CD109: variants seen among roughly 807,000 people sequenced by gnomAD.
CD109 encodes the protein CD109 molecule, also known as CD109 antigen.
Under a neutral mutation model 165.8 loss-of-function variants are expected in CD109, and 149 were observed. The ratio of observed to expected loss-of-function variants is 0.90; its 90% CI spans 0.79 to 1.03. The LOEUF (loss-of-function observed/expected upper bound fraction) is 1.03. Among genes scored for constraint, CD109 ranks in the 50% least tolerant of loss-of-function variants. The probability of loss-of-function intolerance (pLI) is 0.00; values close to 1 mark genes in which losing one functional copy is unlikely to be tolerated. For missense variants in CD109, 1,712 were observed against 1,677.8 expected, an observed-to-expected ratio of 1.02 and a Z score of -0.36; for synonymous variants, 585 against 592.1, an observed-to-expected ratio of 0.99 and a Z score of 0.18.
At chr6:73,773,715 C>T (rs1464493654) in intron 15 of CD109, among the ~76,000 whole-genome samples, 3 of 152,062 alleles carry the variant, frequency 2.0e-5, no homozygotes, top group Non-Finnish European at 4.4e-5. Flanking sequence ...CTACCCTGGC[C>T]AGATCATTTT....
chr6:73,767,960 A>C (rs1481438373), intron 13 of CD109, 95 bp from the exon 14 acceptor site: 1 of 1,015,736 alleles, frequency 9.8e-7, no homozygotes, highest in Non-Finnish European at 1.5e-6. Context: ...TAATTCAAGA[A>C]TTTGTGTGTA....
At chr6:73,688,761 GTTTTT>G in the CD109 span, among the ~76,000 whole-genome samples, 50 of 73,526 alleles carry the variant, frequency 6.8e-4, no homozygotes, top group African/African-American at 1.9e-3. Flanking sequence ...GTTTTTCTTT[GTTTTT>G]TTTTTTTTTT....
chr6:73,767,944 C>T (rs1773907884), intron 13 of CD109, 111 bp from the exon 14 acceptor site: 1 of 875,362 alleles, frequency 1.1e-6, no homozygotes, highest in Non-Finnish European at 1.8e-6. Flanking sequence ...GACTTTGAAG[C>T]TGGTTTAATT....
intron 17 of CD109, 128 bp downstream of exon 17, chr6:73,781,447 A>G: frequency 1.3e-6 from 1 of 763,084 alleles, no homozygotes; most frequent in Admixed American, 2.5e-5. Flanking sequence ...CTCTTCTCCC[A>G]AAATGTTTGG....
chr6:73,766,205 G>A (rs2150229248), intron 11 of CD109, 51 bp downstream of exon 11: 1 of 1,430,884 alleles, frequency 7.0e-7, no homozygotes, highest in East Asian at 2.3e-5. Flanking sequence ...CATTACAGTT[G>A]TAATCTTGTG....
chr6:73,759,148 A>G, intron 7 of CD109, 120 bp downstream of exon 7: 1 of 642,956 alleles, frequency 1.6e-6, no homozygotes, highest in South Asian at 1.9e-5. Flanking sequence ...CTTAGTGGAC[A>G]GTAAATGACT....
chr6:73,706,001 G>C (rs1394071308), intron 2 of CD109, among the ~76,000 whole-genome samples: 2 of 152,116 alleles, frequency 1.3e-5, no homozygotes, highest in African/African-American at 4.8e-5. Context: ...GATAATTCCT[G>C]GGTTAGAAGT....
In CD109 at chr6:73,748,198, G is replaced by C. The variant is rs942176494; in HGVS notation, c.634-8445G>C. On this transcript the variant is annotated intron_variant, in intron 5 of 32. Transcript: ENST00000287097. ...CCTTTGTCCAAGCCACTATTATATT[G>C]TTCCTAGATATTACAGTGTCTCTTA... Among the ~76,000 whole-genome samples, 9 of 151,942 alleles carry C rather than the reference G, an allele frequency of 5.9e-5. No individual in the cohort carries two copies. In the East Asian group the frequency reaches 1.7e-3, roughly 29 times the overall value.
the CD109 span, among the ~76,000 whole-genome samples, chr6:73,689,752 T>G: frequency 6.6e-5 from 10 of 152,226 alleles, no homozygotes; most frequent in African/African-American, 2.2e-4. Context: ...TACATTGTTT[T>G]GTAAACATTG....
chr6:73,810,916 C>A, intron 27 of CD109, 76 bp from the exon 28 acceptor site: 1 of 1,428,296 alleles, frequency 7.0e-7, no homozygotes, highest in Non-Finnish European at 9.5e-7. Flanking sequence ...TATCCAGCAA[C>A]AAAATACTAC....
chr6:73,818,252 C>T, intron 30 of CD109, 136 bp from the exon 31 acceptor site: 2 of 831,914 alleles, frequency 2.4e-6, no homozygotes, highest in Non-Finnish European at 3.8e-6. Flanking sequence ...TTAAAATTCT[C>T]TATAGGGAAT....
upstream of CD109, among the ~76,000 whole-genome samples, chr6:73,693,449 T>G (rs1471594942): frequency 3.3e-5 from 5 of 152,236 alleles, no homozygotes; most frequent in African/African-American, 1.2e-4. Flanking sequence ...TCTCACATTG[T>G]GCTCTACCTC....
intron 2 of CD109, among the ~76,000 whole-genome samples, chr6:73,712,613 G>C (rs962942348): frequency 6.6e-6 from 1 of 152,178 alleles, no homozygotes; most frequent in Non-Finnish European, 1.5e-5. Flanking sequence ...TACAGAGTAT[G>C]TTTAAAAAGT....
intron 32 of CD109, among the ~76,000 whole-genome samples, chr6:73,820,958 A>G (rs1776087047): frequency 6.6e-6 from 1 of 152,124 alleles, no homozygotes; most frequent in South Asian, 2.1e-4. Flanking sequence ...TGGCACATAT[A>G]CACCATGGAA....
chr6:73,705,057 A>G (rs1422328790), intron 2 of CD109, among the ~76,000 whole-genome samples: 1 of 152,162 alleles, frequency 6.6e-6, no homozygotes, highest in Non-Finnish European at 1.5e-5. Context: ...GCCGGAGGAA[A>G]GAGCTGCTGG....
intron 2 of CD109, among the ~76,000 whole-genome samples, chr6:73,703,325 A>C (rs1771148765): frequency 6.6e-6 from 1 of 152,258 alleles, no homozygotes; most frequent in African/African-American, 2.4e-5. Context: ...ATGAAATCTA[A>C]TTTGAATCGA....
intron 14 of CD109, among the ~76,000 whole-genome samples, chr6:73,770,236 A>G (rs1773986423): frequency 6.6e-6 from 1 of 152,224 alleles, no homozygotes; most frequent in Non-Finnish European, 1.5e-5. Context: ...GAGGCTGGGA[A>G]AAGATTTACA....
chr6:73,768,749 T>G (rs1208421079), intron 14 of CD109, among the ~76,000 whole-genome samples: 1 of 152,206 alleles, frequency 6.6e-6, no homozygotes, highest in East Asian at 1.9e-4. Context: ...AGTGCACCAG[T>G]GCCTTTTATA....
chr6:73,713,105 A>C (rs1382153178), intron 2 of CD109, among the ~76,000 whole-genome samples: 1 of 150,790 alleles, frequency 6.6e-6, no homozygotes, highest in East Asian at 1.9e-4. Context: ...GCTGCCCCCG[A>C]TTTTATGTTT....
Sources: allele counts gnomAD v4.1 joint callset (sites outside exome capture counted in the v4.1 genomes callset), GRCh38; gene constraint gnomAD v4.1.1; transcripts MANE v1.5; gene names NCBI Gene and HGNC (gene_info 2026-07-23, HGNC 2026-07-21).